The following DPYD variants were observed in gnomAD, a reference collection of about 807,000 sequenced individuals.
DPYD encodes the protein dihydropyrimidine dehydrogenase, also known as dihydropyrimidine dehydrogenase [NADP(+)].
A neutral mutation model predicts 116.2 loss-of-function variants in DPYD; 109 were observed. The observed-to-expected ratio is 0.94, with a 90% CI of 0.80 to 1.10. DPYD has a LOEUF of 1.10. DPYD is among the 50% of genes least tolerant of loss of function. The pLI, the probability that DPYD is intolerant of heterozygous loss-of-function variation, is 0.00. For missense variants in DPYD, 1,302 were observed against 1,254.5 expected (o/e 1.04, Z -0.57); for synonymous variants, 440 against 432.0 (o/e 1.02, Z -0.23).
chr1:97,809,325 T>C (rs1412049177), intron 3 of DPYD, among the ~76,000 whole-genome samples: 2 of 152,146 alleles, frequency 1.3e-5, no homozygotes, highest in East Asian at 3.9e-4. Flanking sequence ...AGACACGTGA[T>C]TCATGCATGC....
At chr1:97,268,113 T>C (rs1321946528) in intron 18 of DPYD, among the ~76,000 whole-genome samples, 2 of 152,160 alleles carry the variant, frequency 1.3e-5, no homozygotes, top group Non-Finnish European at 2.9e-5. Context: ...GAAGGGAACA[T>C]TAAATTTTAA....
intron 12 of DPYD, among the ~76,000 whole-genome samples, chr1:97,524,103 A>G (rs1648882374): frequency 6.6e-6 from 1 of 152,192 alleles, no homozygotes; most frequent in African/African-American, 2.4e-5. Context: ...TTTAAAACCT[A>G]AACTGTGTAA....
intron 20 of DPYD, among the ~76,000 whole-genome samples, chr1:97,145,071 T>C (rs1303996317): frequency 6.6e-6 from 1 of 152,150 alleles, no homozygotes; most frequent in Non-Finnish European, 1.5e-5. Flanking sequence ...AGCATAATAA[T>C]AGTGCAATTT....
intron 20 of DPYD, among the ~76,000 whole-genome samples, chr1:97,109,217 A>G (rs922149950): frequency 6.6e-6 from 1 of 152,162 alleles, no homozygotes; most frequent in African/African-American, 2.4e-5. Flanking sequence ...AAGTATTATT[A>G]CATTGTGCAT....
intron 21 of DPYD, among the ~76,000 whole-genome samples, chr1:97,087,640 G>A (rs531964828): frequency 6.6e-6 from 1 of 152,264 alleles, no homozygotes; most frequent in South Asian, 2.1e-4. Flanking sequence ...CTGTGGCCCT[G>A]ATCACTGTAT....
At chr1:97,785,356 T>C (rs1571353160) in intron 3 of DPYD, among the ~76,000 whole-genome samples, 3 of 152,212 alleles carry the variant, frequency 2.0e-5, no homozygotes, top group Admixed American at 6.5e-5. Flanking sequence ...TATCTGTGTG[T>C]TCTTCATACT....
At chr1:97,889,186 T>C (rs1672652355) in intron 1 of DPYD, among the ~76,000 whole-genome samples, 2 of 150,214 alleles carry the variant, frequency 1.3e-5, no homozygotes, top group South Asian at 4.2e-4. Context: ...AAAATGAAAA[T>C]AAAAAGTGAA....
chr1:97,899,871 C>T (rs1198968720), intron 1 of DPYD, among the ~76,000 whole-genome samples: 1 of 151,938 alleles, frequency 6.6e-6, no homozygotes, highest in East Asian at 1.9e-4. Flanking sequence ...GATTTCCCTA[C>T]ACATCTATCA....
intron 1 of DPYD, among the ~76,000 whole-genome samples, chr1:97,920,529 G>C (rs139183264): frequency 3.3e-5 from 5 of 152,302 alleles, no homozygotes; most frequent in South Asian, 2.1e-4. Flanking sequence ...GAACGTGTGG[G>C]AAATGGGCAC....
chr1:97,910,364 A>G (rs1443576750), intron 1 of DPYD, among the ~76,000 whole-genome samples: 1 of 152,118 alleles, frequency 6.6e-6, no homozygotes, highest in Non-Finnish European at 1.5e-5. Context: ...GAAGACTAAA[A>G]TAACATATTG....
chr1:97,588,615 A>G (rs1654302900), intron 10 of DPYD, among the ~76,000 whole-genome samples: 1 of 152,150 alleles, frequency 6.6e-6, no homozygotes, highest in African/African-American at 2.4e-5. Flanking sequence ...AATCTCACCT[A>G]TTTAAGCTTG....
chr1:97,677,036 T>C (rs1489416454), intron 8 of DPYD, among the ~76,000 whole-genome samples: 1 of 152,156 alleles, frequency 6.6e-6, no homozygotes, highest in Non-Finnish European at 1.5e-5. Flanking sequence ...TGAACCAGTA[T>C]AGCATTATCA....
intron 16 of DPYD, among the ~76,000 whole-genome samples, chr1:97,349,453 G>A (rs1456712102): frequency 4.0e-5 from 6 of 151,896 alleles, no homozygotes; most frequent in East Asian, 1.9e-4. Flanking sequence ...CCATTAACTC[G>A]TCATTTAGCA....
At chr1:97,686,412 G>A (rs61789250) in intron 7 of DPYD, among the ~76,000 whole-genome samples, 34 of 151,778 alleles carry the variant, frequency 2.2e-4, no homozygotes, top group African/African-American at 6.0e-4. Context: ...CGAGGCGGGC[G>A]GATCACGAGG....
chr1:97,173,415 CAT>C (rs560639028), intron 20 of DPYD, among the ~76,000 whole-genome samples: 313 of 148,186 alleles, frequency 2.1e-3, no homozygotes, highest in African/African-American at 6.2e-3. Flanking sequence ...TACGTACGTA[CAT>C]ATATGTGTGT....
rs192314894 is a variant in DPYD, at chr1:97,623,586, T to A, written c.851-28420A>T. ...ATCTACAGGTTCAGTGCAATCCCCA[T>A]GAAAATTCCAACTTTAATTTTCATA... On this transcript the variant is annotated intron_variant, in intron 8 of 22. Coordinates refer to ENST00000370192, the MANE Select transcript of DPYD (RefSeq NM_000110.4). Among the ~76,000 whole-genome samples the A allele has an allele frequency of 4.2e-3, 644 of 152,130 alleles. 6 individuals carry two copies. Among genetic ancestry groups the A allele is most frequent in the South Asian group, 0.017 (81 of 4,826 alleles).
intron 5 of DPYD, 30 bp downstream of exon 5, chr1:97,721,480 G>A: frequency 6.2e-7 from 1 of 1,608,730 alleles, no homozygotes; most frequent in Non-Finnish European, 8.5e-7. Context: ...TGATGGTAGT[G>A]GGGGGATGTC....
At chr1:97,830,091 T>C (rs147896945) in intron 2 of DPYD, among the ~76,000 whole-genome samples, 3,148 of 152,284 alleles carry the variant, frequency 0.021, 63 homozygotes, top group Non-Finnish European at 0.03. Flanking sequence ...TCCTTTTTTA[T>C]GGCTGCAAAG....
At chr1:97,792,316 C>A (rs1557965394) in intron 3 of DPYD, among the ~76,000 whole-genome samples, 1 of 151,744 alleles carries the variant, frequency 6.6e-6, no homozygotes, top group Non-Finnish European at 1.5e-5. Context: ...CTCTGCTGCC[C>A]AGGCTGGAGT....
Sources: allele counts gnomAD v4.1 joint callset (sites outside exome capture counted in the v4.1 genomes callset), GRCh38; gene constraint gnomAD v4.1.1; transcripts MANE v1.5; gene names NCBI Gene and HGNC (gene_info 2026-07-23, HGNC 2026-07-21).